Variants in OSBPL1A observed in about 807,000 individuals in gnomAD.
OSBPL1A encodes the protein oxysterol binding protein like 1A.
A neutral mutation model predicts 137.1 loss-of-function variants in OSBPL1A; 80 were observed. The observed-to-expected ratio is 0.58, with a 90% CI of 0.49 to 0.70. The LOEUF is 0.70. Ranked by LOEUF, OSBPL1A falls within the 30% of genes least tolerant of loss-of-function variation. OSBPL1A has a pLI of 0.00. For synonymous variants in OSBPL1A, 365 were observed against 389.7 expected (o/e 0.94, Z 0.75); for missense variants, 970 against 1,129.4 (o/e 0.86, Z 2.02).
At chr18:24,272,744 C>G (rs2089752566) in intron 15 of OSBPL1A, among the ~76,000 whole-genome samples, 1 of 152,142 alleles carries the variant, frequency 6.6e-6, no homozygotes, top group Admixed American at 6.5e-5. Flanking sequence ...TTCACAAGAT[C>G]CTAGGTACTT....
At chr18:24,358,572 G>T in intron 4 of OSBPL1A, 1 of 699,988 alleles carries the variant, frequency 1.4e-6, no homozygotes, top group South Asian at 1.5e-5. Flanking sequence ...GAAACGATAC[G>T]TGTCAAGTTG....
intron 4 of OSBPL1A, chr18:24,358,365 G>A (rs531888210): frequency 1.5e-6 from 1 of 662,880 alleles, no homozygotes; most frequent in Non-Finnish European, 2.7e-6. Flanking sequence ...CAGCAGAAAG[G>A]CTGAGGCATC....
chr18:24,203,363 T>C (rs2087273383), intron 17 of OSBPL1A, among the ~76,000 whole-genome samples: 1 of 152,180 alleles, frequency 6.6e-6, no homozygotes, highest in African/African-American at 2.4e-5. Context: ...ATACCAACAG[T>C]AACAGCACAA....
chr18:24,236,791 T>C (rs1290446179), intron 16 of OSBPL1A, among the ~76,000 whole-genome samples: 1 of 152,180 alleles, frequency 6.6e-6, no homozygotes, highest in Non-Finnish European at 1.5e-5. Context: ...GAACTGGCAC[T>C]TGAGATGAAA....
At chr18:24,177,940 C>A in intron 21 of OSBPL1A, 73 bp downstream of exon 21, 1 of 1,409,982 alleles carries the variant, frequency 7.1e-7, no homozygotes, top group South Asian at 1.3e-5. Context: ...ACAGTAAGGT[C>A]AGCTGAGTGT....
intron 4 of OSBPL1A, among the ~76,000 whole-genome samples, chr18:24,359,099 T>C (rs1039156069): frequency 1.3e-5 from 2 of 151,970 alleles, no homozygotes; most frequent in Non-Finnish European, 2.9e-5. Context: ...ATGCCTGTGG[T>C]CCTAATTCCT....
At chr18:24,360,986 A>G (rs909789935) in intron 4 of OSBPL1A, among the ~76,000 whole-genome samples, 8 of 152,280 alleles carry the variant, frequency 5.3e-5, no homozygotes, top group Non-Finnish European at 7.4e-5. Context: ...ATTTATTTCA[A>G]TGTTTAATAT....
intron 14 of OSBPL1A, chr18:24,302,242 A>C (rs1249077789): frequency 2.6e-5 from 4 of 151,328 alleles, no homozygotes; most frequent in African/African-American, 7.3e-5. Context: ...TCAAGAAAAA[A>C]AAAAAAAAAA....
At chr18:24,195,210 C>T (rs112225742) in intron 18 of OSBPL1A, among the ~76,000 whole-genome samples, 11 of 151,798 alleles carry the variant, frequency 7.2e-5, no homozygotes, top group African/African-American at 2.4e-4. Flanking sequence ...CTGAGGTGGG[C>T]GGATAAATTG....
chr18:24,273,021 C>G (rs940095139), intron 15 of OSBPL1A, among the ~76,000 whole-genome samples: 73 of 152,206 alleles, frequency 4.8e-4, no homozygotes, highest in African/African-American at 1.7e-3. Flanking sequence ...TTCTCGTGCC[C>G]CAGCTTCCTG....
chr18:24,390,422 G>A (rs1029267059), intron 1 of OSBPL1A, among the ~76,000 whole-genome samples: 18 of 152,190 alleles, frequency 1.2e-4, no homozygotes, highest in African/African-American at 4.3e-4. Context: ...GATGGGCGTG[G>A]TGGCTCATGC....
intron 7 of OSBPL1A, among the ~76,000 whole-genome samples, chr18:24,319,687 C>T (rs1599661270): frequency 6.6e-6 from 1 of 151,992 alleles, no homozygotes; most frequent in Non-Finnish European, 1.5e-5. Flanking sequence ...GGTAAAAAAA[C>T]AAACAAACAA....
chr18:24,376,850 G>A (rs977971669), intron 2 of OSBPL1A, among the ~76,000 whole-genome samples: 4 of 152,238 alleles, frequency 2.6e-5, no homozygotes, highest in African/African-American at 4.8e-5. Flanking sequence ...GCCAGGGGCC[G>A]ACAGGGCCGG....
chr18:24,387,790 T>C (rs1907045323), intron 1 of OSBPL1A, among the ~76,000 whole-genome samples: 1 of 151,758 alleles, frequency 6.6e-6, no homozygotes. Flanking sequence ...TAGACTTGAA[T>C]ATCTAGAATG....
chr18:24,303,517 ATCAAATATAACTCTTAAT>A, intron 14 of OSBPL1A, 102 bp downstream of exon 14: 1 of 693,272 alleles, frequency 1.4e-6, no homozygotes. Context: ...AAATAGTTTT[ATCAAATATAACTCTTAAT>A]TCAAAACCAA....
chr18:24,339,455 G>A (rs983037122), intron 5 of OSBPL1A, among the ~76,000 whole-genome samples: 5 of 152,186 alleles, frequency 3.3e-5, no homozygotes, highest in African/African-American at 7.2e-5. Context: ...TGTTTCCCAA[G>A]CTAAGACCAC....
intron 7 of OSBPL1A, among the ~76,000 whole-genome samples, chr18:24,331,386 G>A (rs910082224): frequency 1.3e-5 from 2 of 149,968 alleles, no homozygotes; most frequent in Admixed American, 6.7e-5. Flanking sequence ...AGGCCCTGAT[G>A]GCATGTTCCT....
chr18:24,201,894 C>T lies in OSBPL1A; in HGVS notation c.1602-5694G>A, dbSNP rs1599483196. On this transcript the variant is annotated intron_variant, in intron 17 of 27. Transcript: ENST00000319481. ...TGCATCTGCTCTGTGGATTGCTAGG[C>T]TAGACACTCAACACTGTTTGCTCAT... Among the ~76,000 whole-genome samples the T allele has an allele frequency of 2.0e-5, 3 of 152,136 alleles. No individual in the cohort carries two copies. The South Asian group carries it at 6.2e-4, about 32-fold the overall frequency.
chr18:24,334,665 C>T (rs1046009399), intron 5 of OSBPL1A, among the ~76,000 whole-genome samples: 3 of 152,062 alleles, frequency 2.0e-5, no homozygotes, highest in Admixed American at 6.6e-5. Context: ...CTTCTAGAAC[C>T]TTAGAATGTG....
Sources: gnomAD v4.1 joint callset for allele counts (sites outside exome capture counted in the v4.1 genomes callset) on GRCh38, gnomAD v4.1.1 for gene constraint, MANE v1.5 for transcripts, NCBI Gene and HGNC (gene_info 2026-07-23, HGNC 2026-07-21) for gene names.